MAP2K5: variants seen among roughly 807,000 people sequenced by gnomAD.
MAP2K5 encodes mitogen-activated protein kinase kinase 5.
MAP2K5 carries 49 observed loss-of-function variants against 83.1 expected under a neutral mutation model. The ratio of observed to expected loss-of-function variants is 0.59; its 90% CI spans 0.47 to 0.75. MAP2K5 has a LOEUF of 0.75. MAP2K5 is among the 30% of genes least tolerant of loss of function. The pLI is 0.00. For synonymous variants in MAP2K5, 202 were observed against 191.8 expected (o/e 1.05, Z -0.44); for missense variants, 457 against 557.5 (o/e 0.82, Z 1.82).
chr15:67,715,095 C>T (rs1004829932), intron 16 of MAP2K5, among the ~76,000 whole-genome samples: 3 of 152,122 alleles, frequency 2.0e-5, no homozygotes, highest in Non-Finnish European at 4.4e-5. Context: ...TTCTGGAATC[C>T]TTGTCATGGG....
intron 16 of MAP2K5, among the ~76,000 whole-genome samples, chr15:67,714,792 TA>T (rs2088791223): frequency 6.6e-6 from 1 of 152,208 alleles, no homozygotes; most frequent in South Asian, 2.1e-4. Context: ...AAGGTCACAC[TA>T]ATGGGAGCAT....
At chr15:67,703,825 C>T (rs547159278) in intron 16 of MAP2K5, among the ~76,000 whole-genome samples, 11 of 151,956 alleles carry the variant, frequency 7.2e-5, no homozygotes, top group Admixed American at 2.0e-4. Flanking sequence ...TAACTTCCAA[C>T]GGTGATTAGT....
intron 1 of MAP2K5, among the ~76,000 whole-genome samples, chr15:67,544,387 G>A (rs2084353036): frequency 6.6e-6 from 1 of 152,196 alleles, no homozygotes; most frequent in South Asian, 2.1e-4. Flanking sequence ...ATAAAATGAT[G>A]GAATTTTAGA....
chr15:67,743,795 G>C (rs777110374), intron 17 of MAP2K5, among the ~76,000 whole-genome samples: 7 of 152,198 alleles, frequency 4.6e-5, no homozygotes, highest in Non-Finnish European at 1.0e-4. Context: ...AAATAAACAT[G>C]GCTCCTGAAT....
chr15:67,775,388 G>A lies in MAP2K5; in HGVS notation c.1242+2636G>A, dbSNP rs1349616633. Among the ~76,000 whole-genome samples the A allele has an allele frequency of 1.3e-5, 2 of 152,190 alleles. No homozygotes were observed. Among genetic ancestry groups the A allele is most frequent in the African/African-American group, 4.8e-5 (2 of 41,434 alleles). ...CCTTTACTGCTTACATTTTGGGGAGGCCAGGATACGTTTCAGCTGCTGTGG... is the reference window on the plus strand; with the variant it reads ...CCTTTACTGCTTACATTTTGGGGAGACCAGGATACGTTTCAGCTGCTGTGG... On this transcript the variant is annotated intron_variant, in intron 21 of 21. Coordinates refer to ENST00000178640, the MANE Select transcript of MAP2K5 (RefSeq NM_145160.3). This position sits in a 1 kb window ranked among gnomAD's most constrained non-coding sequence, Gnocchi z 5.3.
intron 8 of MAP2K5, among the ~76,000 whole-genome samples, chr15:67,623,838 A>C (rs2086246631): frequency 6.6e-6 from 1 of 151,638 alleles, no homozygotes; most frequent in Non-Finnish European, 1.5e-5. Context: ...CTCAGGTGAT[A>C]CGCCCACCTG....
chr15:67,794,196 C>T lies in MAP2K5; in HGVS notation c.1243-12450C>T, dbSNP rs1466755876. Among the ~76,000 whole-genome samples the T allele has an allele frequency of 1.3e-5, 2 of 152,216 alleles. No homozygotes were observed. Among genetic ancestry groups the T allele is most frequent in the African/African-American group, 4.8e-5 (2 of 41,446 alleles). On this transcript the variant is annotated intron_variant, in intron 21 of 21. Coordinates refer to ENST00000178640, the MANE Select transcript of MAP2K5 (RefSeq NM_145160.3). The surrounding 1 kb of genome is among the most constrained non-coding windows in gnomAD (Gnocchi z 4.6). ...ACACCAGTCACCACCATCAAAAACG[C>T]ATTTCAGGCTTCTGTACATTTAATT...
At chr15:67,549,207 C>T (rs747230230) in intron 1 of MAP2K5, 82 of 1,534,450 alleles carry the variant, frequency 5.3e-5, no homozygotes, top group Admixed American at 2.0e-4. Context: ...TTCCCCAGAG[C>T]GTAGGTGTTC....
intron 21 of MAP2K5, among the ~76,000 whole-genome samples, chr15:67,795,017 A>G (rs1336107868): frequency 6.6e-6 from 1 of 152,244 alleles, no homozygotes; most frequent in East Asian, 1.9e-4. Context: ...GCCAGCCACC[A>G]CCATTATCAC....
rs561578902 is a variant in MAP2K5 at position 67,632,500 on chromosome 15, A to G, written c.585+1573A>G. 1.1e-4 allele frequency among the ~76,000 whole-genome samples: 16 copies of G among 152,338 alleles called. No individual in the cohort carries two copies. The South Asian group carries it at 1.9e-3, about 18-fold the overall frequency. On this transcript the variant is annotated intron_variant, in intron 9 of 21. Coordinates refer to ENST00000178640, the MANE Select transcript of MAP2K5 (RefSeq NM_145160.3). ...CTGAAACTCAGAAAGCTGAATTGTCAAAGATCACAGAGTTGGAAGGGGTAA... is the reference window on the plus strand; with the variant it reads ...CTGAAACTCAGAAAGCTGAATTGTCGAAGATCACAGAGTTGGAAGGGGTAA...
At chr15:67,691,217 G>A (rs2088106615) in intron 13 of MAP2K5, among the ~76,000 whole-genome samples, 2 of 152,170 alleles carry the variant, frequency 1.3e-5, no homozygotes, top group African/African-American at 4.8e-5. Context: ...TTCAGGGGCT[G>A]GGAGTACAGT....
chr15:67,662,459 G>C (rs2087260046), intron 12 of MAP2K5, among the ~76,000 whole-genome samples: 1 of 152,100 alleles, frequency 6.6e-6, no homozygotes, highest in Admixed American at 6.5e-5. Flanking sequence ...ATGAATACTT[G>C]TAAATCTTAC....
Position 67,589,603 on chromosome 15 carries a change from T to G in MAP2K5, c.431+2690T>G, listed in dbSNP as rs561753434. Among the ~76,000 whole-genome samples the G allele has an allele frequency of 1.2e-4, 18 of 152,368 alleles. No individual in the cohort carries two copies. The South Asian group carries it at 3.7e-3, about 32-fold the overall frequency. ...TCTTGGATGAAAGGCATTCTATAAA[T>G]GCAATGAATCAAAATGTTATTAATT... On this transcript the variant is annotated intron_variant, in intron 6 of 21. Transcript: ENST00000178640.
rs1171088586 is a variant in MAP2K5, at chr15:67,638,224, C to T, written c.585+7297C>T. Reference sequence around the variant, plus strand: ...TTTTCCTGATCATCTCCCCACTTCACCCTCCACCTTCTGATAGGCCACAGT... The same window carrying T: ...TTTTCCTGATCATCTCCCCACTTCATCCTCCACCTTCTGATAGGCCACAGT... On this transcript the variant is annotated intron_variant, in intron 9 of 21. Coordinates refer to ENST00000178640, the MANE Select transcript of MAP2K5 (RefSeq NM_145160.3). The surrounding 1 kb of genome is among the most constrained non-coding windows in gnomAD (Gnocchi z 4.5). Among the ~76,000 whole-genome samples the T allele has an allele frequency of 6.6e-6, 1 of 152,094 alleles. No individual in the cohort carries two copies. The highest frequency in any genetic ancestry group is 1.5e-5 in the Non-Finnish European group (1 of 68,024).
At chr15:67,615,722 A>G (rs1312363192) in intron 8 of MAP2K5, among the ~76,000 whole-genome samples, 1 of 149,702 alleles carries the variant, frequency 6.7e-6, no homozygotes, top group African/African-American at 2.4e-5. Context: ...TATATTTTTC[A>G]TTAGCTGAAC....
At chr15:67,756,213 TC>T (rs770298463) in intron 19 of MAP2K5, among the ~76,000 whole-genome samples, 13 of 152,208 alleles carry the variant, frequency 8.5e-5, no homozygotes, top group Admixed American at 2.6e-4. Flanking sequence ...AACCACCTGT[TC>T]CTGATTGAAG....
In MAP2K5 at chr15:67,698,208, G is replaced by C. The variant is rs996751660; in HGVS notation, c.972+4640G>C. 6.0e-5 allele frequency among the ~76,000 whole-genome samples: 9 copies of C among 149,744 alleles called. No individual in the cohort carries two copies. Among genetic ancestry groups the C allele is most frequent in the African/African-American group, 2.2e-4 (9 of 40,694 alleles). ...AGAAATTCTTTATTTTTTTTTTCTT[G>C]AGATGAAGTCTCACCCTGTCCCCCA... On this transcript the variant is annotated intron_variant, in intron 15 of 21. Transcript: ENST00000178640. This position sits in a 1 kb window ranked among gnomAD's most constrained non-coding sequence, Gnocchi z 4.5.
At position 67,577,168 on chromosome 15, in the gene MAP2K5, C is replaced by T. The variant is rs1184766135; in HGVS notation, c.253-3586C>T. Among the ~76,000 whole-genome samples, 2 of 151,964 alleles carry T rather than the reference C, an allele frequency of 1.3e-5. No homozygotes were observed. The highest frequency in any genetic ancestry group is 1.9e-4 in the East Asian group (1 of 5,188). On this transcript the variant is annotated intron_variant, in intron 3 of 21. Transcript: ENST00000178640. This position sits in a 1 kb window ranked among gnomAD's most constrained non-coding sequence, Gnocchi z 4.1. ...GCCGGGATGGTCTCGATCTCCTGAC[C>T]TCATGATCCACCCGCCTCGGCCTCC...
At chr15:67,646,063 A>G (rs969786942) in intron 9 of MAP2K5, among the ~76,000 whole-genome samples, 168 bp from the exon 10 acceptor site, 4 of 152,156 alleles carry the variant, frequency 2.6e-5, no homozygotes, top group African/African-American at 9.7e-5. Context: ...GAAGGACAAA[A>G]GGTTAGACAG....
Sources: allele counts gnomAD v4.1 joint callset (sites outside exome capture counted in the v4.1 genomes callset), GRCh38; gene constraint gnomAD v4.1.1; non-coding constraint Gnocchi (gnomAD v3.1); transcripts MANE v1.5; gene names NCBI Gene and HGNC (gene_info 2026-07-23, HGNC 2026-07-21).